The following BCL2L12 variants were observed in gnomAD, a reference collection of about 807,000 sequenced individuals.
BCL2L12 encodes bcl-2-like protein 12.
A neutral mutation model predicts 25.7 loss-of-function variants in BCL2L12; 27 were observed. That is an observed-to-expected ratio of 1.05 (90% CI 0.78 to 1.45). BCL2L12 has a LOEUF of 1.45. BCL2L12 is among the 40% of genes most tolerant of loss of function. The pLI is 0.00. For missense variants in BCL2L12, 302 were observed against 329.8 expected (o/e 0.92, Z 0.65); for synonymous variants, 132 against 145.6 (o/e 0.91, Z 0.67).
chr19:49,666,437 C>T (rs2081766681), intron 1 of BCL2L12, among the ~76,000 whole-genome samples: 1 of 152,140 alleles, frequency 6.6e-6, no homozygotes, highest in South Asian at 2.1e-4. Context: ...AGGACCCCAG[C>T]TCCCTCCTCC....
At position 49,670,253 on chromosome 19, in the gene BCL2L12, G is replaced by T; in HGVS notation, c.467G>T (p.Arg156Leu). The part of the protein sequence containing the change: ...SDPALRSKLV[R>L]LSSDSFARLV... The stretch of plus-strand genomic sequence containing the variant: ...CCCGCCCTGCGCAGCAAGCTGGTCC[G>T]CCTGTCCTCCGACTCTTTCGCCCGC... The change falls in exon 6 of 7, where the codon CGC (arginine) becomes CTC (leucine). Residue 156 changes from arginine to leucine, a missense_variant. By Grantham distance (102) the Arg-to-Leu change is moderately radical (BLOSUM62 -2). Coordinates refer to ENST00000246784, the MANE Select transcript of BCL2L12 (RefSeq NM_138639.2). 1 of 1,609,432 alleles carries T rather than the reference G, an allele frequency of 6.2e-7. No individual in the cohort carries two copies. The highest frequency in any genetic ancestry group is 8.5e-7 in the Non-Finnish European group (1 of 1,179,584).
intron 6 of BCL2L12, among the ~76,000 whole-genome samples, chr19:49,673,172 TA>T (rs1379193090): frequency 1.3e-5 from 2 of 152,062 alleles, no homozygotes; most frequent in African/African-American, 4.8e-5. Flanking sequence ...GACAATTTCT[TA>T]AAAAATTTTT....
intron 6 of BCL2L12, among the ~76,000 whole-genome samples, chr19:49,671,158 T>C (rs1159929331): frequency 8.0e-6 from 1 of 125,280 alleles, no homozygotes; most frequent in Non-Finnish European, 1.6e-5. Context: ...TGAGACTGTG[T>C]CTCAACAAAA....
intron 6 of BCL2L12, among the ~76,000 whole-genome samples, chr19:49,671,649 TAGTGAG>T (rs2081964438): frequency 6.6e-6 from 1 of 151,886 alleles, no homozygotes; most frequent in East Asian, 1.9e-4. Context: ...AAAAATAAAA[TAGTGAG>T]AGTAGTAGTG....
chr19:49,667,186 TG>T, intron 3 of BCL2L12, 25 bp downstream of exon 3: 3 of 1,605,452 alleles, frequency 1.9e-6, no homozygotes, highest in Non-Finnish European at 2.6e-6. Context: ...TGATCATCTA[TG>T]AAGCCGGCAG....
At chr19:49,671,317 G>C (rs562194467) in intron 6 of BCL2L12, among the ~76,000 whole-genome samples, 70 of 151,122 alleles carry the variant, frequency 4.6e-4, no homozygotes, top group Non-Finnish European at 9.1e-4. Flanking sequence ...AAATTAGCCC[G>C]GCATGCCTGT....
At chr19:49,669,743 T>G (rs915356330) in intron 5 of BCL2L12, among the ~76,000 whole-genome samples, 7 of 152,132 alleles carry the variant, frequency 4.6e-5, no homozygotes, top group Admixed American at 3.9e-4. Flanking sequence ...GCTAAAATCT[T>G]ACTGAGCATA....
intron 6 of BCL2L12, among the ~76,000 whole-genome samples, chr19:49,673,207 G>T (rs2081996354): frequency 6.6e-6 from 1 of 151,992 alleles, no homozygotes; most frequent in African/African-American, 2.4e-5. Context: ...GATAGCAGAT[G>T]AGTTTTCTCG....
rs1399618535 is a variant in BCL2L12, at chr19:49,666,690, T to C, written c.-3T>C. ...CCTAACCCTCTCTCTCACAGGTGCCTCCATGGCAGGCTCTGAAGAGCTGGG... is the reference window on the plus strand; with the variant it reads ...CCTAACCCTCTCTCTCACAGGTGCCCCCATGGCAGGCTCTGAAGAGCTGGG... On this transcript the variant is annotated 5_prime_UTR_variant, in exon 2 of 7. Transcript: ENST00000246784. The C allele has an allele frequency of 1.3e-6, 2 of 1,551,720 alleles. No individual in the cohort carries two copies. Among genetic ancestry groups the C allele is most frequent in the Admixed American group, 2.0e-5 (1 of 50,956 alleles).
At chr19:49,669,173 C>T in intron 5 of BCL2L12, 58 bp downstream of exon 5, 1 of 1,593,574 alleles carries the variant, frequency 6.3e-7, no homozygotes, top group African/African-American at 1.3e-5. Context: ...TGGTGGGGCA[C>T]TGGGATCAGA....
chr19:49,665,762 T>C, upstream of BCL2L12: 1 of 1,541,094 alleles, frequency 6.5e-7, no homozygotes, highest in Non-Finnish European at 8.8e-7. Context: ...GGCTTTCTTT[T>C]TGATCGACTT....
In BCL2L12 at chr19:49,672,153, C is replaced by T. The variant is rs2081973048; in HGVS notation, c.703-1545C>T. ...GGGCTCCAGCGTGCTGGCCCTGTGGCTTGGCGACTGTCGCAGTCTCCCTGA... is the reference window on the plus strand; with the variant it reads ...GGGCTCCAGCGTGCTGGCCCTGTGGTTTGGCGACTGTCGCAGTCTCCCTGA... On this transcript the variant is annotated intron_variant, in intron 6 of 6. Transcript: ENST00000246784. The surrounding 1 kb of genome is among the most constrained non-coding windows in gnomAD (Gnocchi z 4.1). 1 of 152,494 alleles carries T rather than the reference C, an allele frequency of 6.6e-6. No homozygotes were observed. The highest frequency in any genetic ancestry group is 6.5e-5 in the Admixed American group (1 of 15,286). The allele number at this position is 152,494 out of a possible 1,614,324, so 9.4% of individuals were successfully genotyped here. A position where few individuals can be genotyped will look rare whatever the true frequency, so the allele number is the denominator to read the frequency against.
chr19:49,670,558 G>T, intron 6 of BCL2L12, 70 bp downstream of exon 6: 1 of 1,502,400 alleles, frequency 6.7e-7, no homozygotes, highest in East Asian at 2.5e-5. Context: ...GAGGGGCGGG[G>T]ACTTCTTAGG....
intron 3 of BCL2L12, among the ~76,000 whole-genome samples, chr19:49,668,610 T>C (rs1412943783): frequency 6.6e-6 from 1 of 151,858 alleles, no homozygotes; most frequent in African/African-American, 2.4e-5. Context: ...GGCAACACGG[T>C]GAAACCCCAT....
Position 49,668,840 on chromosome 19 carries a change from T to C in BCL2L12, c.251-11T>C, listed in dbSNP as rs1296343969. ...GTCCTGGAAACCTGTCATTAACTCTTTTCACCCCAGGCCCAGCTACTCCAG... is the reference window on the plus strand; with the variant it reads ...GTCCTGGAAACCTGTCATTAACTCTCTTCACCCCAGGCCCAGCTACTCCAG... On this transcript the variant is annotated splice_polypyrimidine_tract_variant and intron_variant, in intron 3 of 6. Coordinates refer to ENST00000246784, the MANE Select transcript of BCL2L12 (RefSeq NM_138639.2). 15 of 1,610,834 alleles carry C rather than the reference T, an allele frequency of 9.3e-6. No individual in the cohort carries two copies. Among genetic ancestry groups the C allele is most frequent in the Non-Finnish European group, 1.3e-5 (15 of 1,178,754 alleles).
At chr19:49,665,776 G>C, upstream of BCL2L12, 1 of 1,555,100 alleles carries the variant, frequency 6.4e-7, no homozygotes, top group South Asian at 1.2e-5. Context: ...TCGACTTCTT[G>C]AAATAAAACC....
intron 3 of BCL2L12, among the ~76,000 whole-genome samples, 188 bp from the exon 4 acceptor site, chr19:49,668,663 G>T (rs573020807): frequency 6.6e-6 from 1 of 152,104 alleles, no homozygotes; most frequent in African/African-American, 2.4e-5. Context: ...GGCGGCGTGC[G>T]CCTGTAGTCC....
At chr19:49,669,199 T>C in intron 5 of BCL2L12, 84 bp downstream of exon 5, 2 of 1,554,148 alleles carry the variant, frequency 1.3e-6, no homozygotes, top group East Asian at 4.7e-5. Context: ...GATCTGTATT[T>C]TCTTTGGATG....
At chr19:49,670,007 T>C (rs537538460) in intron 5 of BCL2L12, among the ~76,000 whole-genome samples, 2 of 152,288 alleles carry the variant, frequency 1.3e-5, no homozygotes, top group South Asian at 4.1e-4. Flanking sequence ...GGGCCTGGCA[T>C]GGCTTAGGGA....
Sources: gnomAD v4.1 joint callset for allele counts (sites outside exome capture counted in the v4.1 genomes callset) on GRCh38, gnomAD v4.1.1 for gene constraint, Gnocchi (gnomAD v3.1) non-coding constraint, MANE v1.5 for transcripts, NCBI Gene and HGNC (gene_info 2026-07-23, HGNC 2026-07-21) for gene names.